The following SNED1 variants were observed in gnomAD, a reference collection of about 807,000 sequenced individuals.
The protein encoded by SNED1 is sushi, nidogen and EGF-like domain-containing protein 1.
In SNED1, 81 loss-of-function variants were observed where a neutral mutation model predicts 166.7. The observed-to-expected ratio is 0.49, with a 90% confidence interval of 0.41 to 0.58. The LOEUF (loss-of-function observed/expected upper bound fraction) is 0.58, where lower values mean the gene tolerates loss of function less well. SNED1 is among the 20% of genes least tolerant of loss of function. The probability of loss-of-function intolerance (pLI) is 0.00; values close to 1 mark genes in which losing one functional copy is unlikely to be tolerated. For missense variants in SNED1, 1,604 were observed against 2,000.2 expected (o/e 0.80, Z 3.78); for synonymous variants, 762 against 822.0 (o/e 0.93, Z 1.25).
At chr2:241,000,596 T>A (rs2060049536) in intron 1 of SNED1, among the ~76,000 whole-genome samples, 1 of 152,164 alleles carries the variant, frequency 6.6e-6, no homozygotes, top group Non-Finnish European at 1.5e-5. Flanking sequence ...CCACTCACAG[T>A]CACAGGTGAA....
intron 16 of SNED1, 134 bp from the exon 17 acceptor site, chr2:241,062,657 C>A: frequency 1.4e-6 from 1 of 711,942 alleles, no homozygotes; most frequent in South Asian, 1.5e-5. Flanking sequence ...GATATCCAGC[C>A]CTGGTCTCTG....
intron 2 of SNED1, among the ~76,000 whole-genome samples, chr2:241,031,796 G>A (rs550028845): frequency 2.0e-5 from 3 of 152,310 alleles, no homozygotes; most frequent in African/African-American, 2.4e-5. Context: ...AGCAGAGCAC[G>A]TAGTTTCTCT....
At chr2:241,011,693 G>T (rs901960380) in intron 1 of SNED1, among the ~76,000 whole-genome samples, 2 of 152,244 alleles carry the variant, frequency 1.3e-5, no homozygotes, top group African/African-American at 4.8e-5. Context: ...CCTGAAGAAG[G>T]AGAGGGACCC....
At chr2:241,037,209 C>T (rs763994835) in intron 5 of SNED1, 31 bp from the exon 6 acceptor site, 21 of 1,542,500 alleles carry the variant, frequency 1.4e-5, no homozygotes, top group East Asian at 4.6e-5. Context: ...GGGTTCCCGC[C>T]GCTGAGGCCT....
At chr2:241,089,855 C>T (rs571323955) in intron 31 of SNED1, 24 of 1,426,470 alleles carry the variant, frequency 1.7e-5, no homozygotes, top group Middle Eastern at 1.8e-4. Flanking sequence ...CCCATGCTCC[C>T]GGGCTACACA....
At chr2:241,084,329 G>A (rs2063477501) in intron 29 of SNED1, among the ~76,000 whole-genome samples, 1 of 151,954 alleles carries the variant, frequency 6.6e-6, no homozygotes, top group South Asian at 2.1e-4. Flanking sequence ...TAGAGACAAA[G>A]TTTACGTAGA....
intron 1 of SNED1, among the ~76,000 whole-genome samples, chr2:241,002,526 G>A (rs1005145966): frequency 1.2e-4 from 18 of 152,130 alleles, no homozygotes; most frequent in African/African-American, 2.2e-4. Flanking sequence ...TGGGTGTGAC[G>A]GAAGCAGATG....
chr2:241,062,013 T>A (rs953665429), intron 16 of SNED1, among the ~76,000 whole-genome samples: 20 of 152,026 alleles, frequency 1.3e-4, no homozygotes, highest in African/African-American at 4.8e-4. Context: ...CAGTGTGGAG[T>A]TCTCTTCTTC....
intron 21 of SNED1, among the ~76,000 whole-genome samples, chr2:241,067,205 C>T (rs972761864): frequency 9.9e-5 from 15 of 152,180 alleles, no homozygotes; most frequent in Admixed American, 5.2e-4. Flanking sequence ...GCTGAGTTGC[C>T]GGGAGCTGAG....
intron 11 of SNED1, among the ~76,000 whole-genome samples, chr2:241,049,447 A>G (rs898381200): frequency 6.6e-6 from 1 of 152,234 alleles, no homozygotes; most frequent in African/African-American, 2.4e-5. Context: ...TGTGTAATGA[A>G]ATGTATCACT....
intron 6 of SNED1, 129 bp downstream of exon 6, chr2:241,037,482 G>A: frequency 1.5e-6 from 1 of 666,566 alleles, no homozygotes. Context: ...GCCCAGAGAA[G>A]CCACCCTCGA....
rs2061253776 is a variant in SNED1, at chr2:241,033,623, A to G, written c.502-112A>G. On this transcript the variant is annotated intron_variant, in intron 2 of 31. Coordinates refer to ENST00000310397, the MANE Select transcript of SNED1 (RefSeq NM_001080437.3). The stretch of plus-strand genomic sequence containing the variant: ...GTCCAGCTGGAAGACACAGACATTG[A>G]GCAAGCCAGGGGCCCAGTGGACAAT... The G allele has an allele frequency of 7.2e-6, 9 of 1,253,244 alleles. No individual in the cohort carries two copies. In the South Asian group the frequency reaches 9.7e-5, roughly 14 times the overall value. The allele number at this position is 1,253,244 out of a possible 1,614,324, so 77.6% of individuals were successfully genotyped here.
chr2:241,025,503 A>ATTATTGT (rs1349621606), intron 1 of SNED1, among the ~76,000 whole-genome samples: 20 of 152,216 alleles, frequency 1.3e-4, no homozygotes, highest in African/African-American at 4.3e-4. Flanking sequence ...TTCAATGTAT[A>ATTATTGT]TTATTGTAAT....
At chr2:241,023,621 T>C (rs2060835018) in intron 1 of SNED1, among the ~76,000 whole-genome samples, 1 of 152,192 alleles carries the variant, frequency 6.6e-6, no homozygotes, top group African/African-American at 2.4e-5. Flanking sequence ...TATCCCACCA[T>C]GATTGTGAGT....
At chr2:241,049,478 T>C (rs2061763224) in intron 11 of SNED1, among the ~76,000 whole-genome samples, 1 of 152,204 alleles carries the variant, frequency 6.6e-6, no homozygotes, top group African/African-American at 2.4e-5. Context: ...TGTTAGTGTA[T>C]AGATGAGATG....
chr2:241,016,606 C>CT (rs1163217000), intron 1 of SNED1, among the ~76,000 whole-genome samples: 1 of 152,100 alleles, frequency 6.6e-6, no homozygotes, highest in Non-Finnish European at 1.5e-5. Flanking sequence ...CATTCATGTA[C>CT]TGTCTTTGTT....
chr2:241,006,661 T>G (rs2060229415), intron 1 of SNED1, among the ~76,000 whole-genome samples: 1 of 152,226 alleles, frequency 6.6e-6, no homozygotes, highest in Admixed American at 6.5e-5. Flanking sequence ...CAGATGGGTG[T>G]AGACATGGGT....
rs1199365508 is a variant in SNED1 at position 241,094,330 on chromosome 2, G to A, written c.*2694G>A. On this transcript the variant is annotated 3_prime_UTR_variant, in exon 32 of 32. Coordinates refer to ENST00000310397, the MANE Select transcript of SNED1 (RefSeq NM_001080437.3). This position sits in a 1 kb window ranked among gnomAD's most constrained non-coding sequence, Gnocchi z 4.3. ...CTTCCACTGGCAAAGGACTGCCACT[G>A]CCATCTGACTCAACTGTGGCGATGT... The A allele has an allele frequency of 6.4e-6, 3 of 470,396 alleles. No homozygotes were observed. Among genetic ancestry groups the A allele is most frequent in the Non-Finnish European group, 1.3e-5 (3 of 226,914 alleles). 29.1% of individuals were successfully genotyped at this position (470,396 alleles called of 1,614,324 possible).
At chr2:241,072,379 C>T (rs1358622530) in intron 26 of SNED1, 2 of 367,022 alleles carry the variant, frequency 5.4e-6, no homozygotes, top group African/African-American at 2.1e-5. Context: ...GGGTGAGTGC[C>T]GCTCTGGGAA....
Sources: gnomAD v4.1 joint callset for allele counts (sites outside exome capture counted in the v4.1 genomes callset) on GRCh38, gnomAD v4.1.1 for gene constraint, Gnocchi (gnomAD v3.1) non-coding constraint, MANE v1.5 for transcripts, NCBI Gene and HGNC (gene_info 2026-07-23, HGNC 2026-07-21) for gene names.